Variants in CXXC5 observed in about 807,000 individuals in gnomAD.
CXXC5 encodes CXXC-type zinc finger protein 5.
Under a neutral mutation model 17.6 loss-of-function variants are expected in CXXC5, and 2 were observed. That is an observed-to-expected ratio of 0.11 (90% CI 0.05 to 0.36). The LOEUF is 0.36. Ranked by LOEUF, CXXC5 falls within the 10% of genes least tolerant of loss-of-function variation. CXXC5 has a pLI of 1.00. For synonymous variants in CXXC5, 171 were observed against 193.0 expected (o/e 0.89, Z 0.94); for missense variants, 343 against 458.3 (o/e 0.75, Z 2.30).
chr5:139,647,768 T>C (rs1365651733), upstream of CXXC5: 1 of 152,054 alleles, frequency 6.6e-6, no homozygotes, highest in Non-Finnish European at 1.5e-5. Context: ...ACCTGAGAAA[T>C]GGGAACGGGA....
chr5:139,662,677 G>C (rs1001138691), intron 1 of CXXC5, among the ~76,000 whole-genome samples: 5 of 152,204 alleles, frequency 3.3e-5, no homozygotes, highest in Admixed American at 2.6e-4. Flanking sequence ...TTGAGGAGGA[G>C]AGAGGGACCC....
chr5:139,647,312 C>T (rs1754934307), upstream of CXXC5: 1 of 152,104 alleles, frequency 6.6e-6, no homozygotes, highest in Non-Finnish European at 1.5e-5. Flanking sequence ...GCGTTTTCTT[C>T]GCCTCGCAGA....
At chr5:139,669,093 G>A (rs984449646) in intron 1 of CXXC5, among the ~76,000 whole-genome samples, 6 of 152,166 alleles carry the variant, frequency 3.9e-5, no homozygotes, top group African/African-American at 1.4e-4. Context: ...GCAGGCCCTG[G>A]GCACTGAGGC....
chr5:139,658,409 AG>A lies in CXXC5; in HGVS notation c.-161+9568del, dbSNP rs1755605698. 6.6e-6 allele frequency among the ~76,000 whole-genome samples: 1 copy of A among 152,188 alleles called. No homozygotes were observed. Among genetic ancestry groups the A allele is most frequent in the Admixed American group, 6.5e-5 (1 of 15,286 alleles). ...TGATGCTAGGGGACACTGAAGCTCTAGGGGTCAGGCTGCCCTGAGGTCACAG... is the reference window on the plus strand; with the variant it reads ...TGATGCTAGGGGACACTGAAGCTCTAGGGTCAGGCTGCCCTGAGGTCACAG... On this transcript the variant is annotated intron_variant, in intron 1 of 2. Transcript: ENST00000302517. The surrounding 1 kb of genome is among the most constrained non-coding windows in gnomAD (Gnocchi z 4.1).
At chr5:139,673,015 T>C (rs1392926343) in intron 1 of CXXC5, among the ~76,000 whole-genome samples, 2 of 152,128 alleles carry the variant, frequency 1.3e-5, no homozygotes, top group African/African-American at 4.8e-5. Context: ...GGCCCATCAG[T>C]AGGGAGGTCC....
intron 1 of CXXC5, among the ~76,000 whole-genome samples, chr5:139,662,674 G>A (rs1446143193): frequency 2.0e-5 from 3 of 152,196 alleles, no homozygotes; most frequent in South Asian, 2.1e-4. Context: ...TGGTTGAGGA[G>A]GAGAGAGGGA....
chr5:139,651,699 A>G (rs922751735), intron 1 of CXXC5, among the ~76,000 whole-genome samples: 16 of 150,440 alleles, frequency 1.1e-4, no homozygotes, highest in Non-Finnish European at 2.4e-4. Context: ...GGAGAGAGGG[A>G]TGTGGGCTGG....
intron 1 of CXXC5, among the ~76,000 whole-genome samples, chr5:139,665,078 T>C (rs1581590980): frequency 6.6e-6 from 1 of 152,238 alleles, no homozygotes; most frequent in African/African-American, 2.4e-5. Flanking sequence ...ATCTGCTGGC[T>C]CAGCCAGCTT....
intron 1 of CXXC5, among the ~76,000 whole-genome samples, chr5:139,679,052 T>C (rs1326930459): frequency 1.3e-5 from 2 of 152,208 alleles, no homozygotes; most frequent in Admixed American, 6.5e-5. Context: ...CTTGGAAATA[T>C]GGAGGTGGCC....
rs1050946406 is a variant in CXXC5 at position 139,661,956 on chromosome 5, T to C, written c.-161+13111T>C. 2.6e-5 allele frequency among the ~76,000 whole-genome samples: 4 copies of C among 152,066 alleles called. No homozygotes were observed. The highest frequency in any genetic ancestry group is 7.2e-5 in the African/African-American group (3 of 41,420). ...GCCCAGGCAGAGTGGGTTGGGTACATGGGGGAGAGATACAGGGGAGCTGGG... is the reference window on the plus strand; with the variant it reads ...GCCCAGGCAGAGTGGGTTGGGTACACGGGGGAGAGATACAGGGGAGCTGGG... On this transcript the variant is annotated intron_variant, in intron 1 of 2. Coordinates refer to ENST00000302517, the MANE Select transcript of CXXC5 (RefSeq NM_016463.9). The surrounding 1 kb of genome is among the most constrained non-coding windows in gnomAD (Gnocchi z 4.7).
rs1756237874 is a variant in CXXC5 at position 139,668,389 on chromosome 5, G to GCGGCTCTGGCGGCCGCGTCTGCC, written c.-160-11974_-160-11952dup. 1.3e-5 allele frequency among the ~76,000 whole-genome samples: 2 copies of GCGGCTCTGGCGGCCGCGTCTGCC among 151,970 alleles called. No individual in the cohort carries two copies. The highest frequency in any genetic ancestry group is 1.3e-4 in the Admixed American group (2 of 15,270). On this transcript the variant is annotated intron_variant, in intron 1 of 2. Coordinates refer to ENST00000302517, the MANE Select transcript of CXXC5 (RefSeq NM_016463.9). The surrounding 1 kb of genome is among the most constrained non-coding windows in gnomAD (Gnocchi z 4.1). ...CCCAGCCGGACGCGGACGTGCCTGC[G>GCGGCTCTGGCGGCCGCGTCTGCC]CGGCTCTGGCGGCCGCGTCTGCCGC...
intron 1 of CXXC5, among the ~76,000 whole-genome samples, chr5:139,671,935 A>G (rs952481010): frequency 6.6e-6 from 1 of 152,150 alleles, no homozygotes; most frequent in Non-Finnish European, 1.5e-5. Flanking sequence ...TGACCTTGTG[A>G]CCTTAGGCAG....
intron 1 of CXXC5, among the ~76,000 whole-genome samples, chr5:139,657,876 C>T (rs575812016): frequency 1.2e-4 from 18 of 152,204 alleles, no homozygotes; most frequent in South Asian, 2.1e-4. Flanking sequence ...CCTGACCTGA[C>T]GCCCGCCCTC....
chr5:139,650,217 G>T (rs1165757395), intron 1 of CXXC5, among the ~76,000 whole-genome samples: 1 of 152,160 alleles, frequency 6.6e-6, no homozygotes, highest in Non-Finnish European at 1.5e-5. Context: ...AGTCTCCCGC[G>T]ACGGGGGTCT....
At chr5:139,669,449 C>T (rs949276316) in intron 1 of CXXC5, among the ~76,000 whole-genome samples, 19 of 151,922 alleles carry the variant, frequency 1.3e-4, no homozygotes, top group East Asian at 9.8e-4. Flanking sequence ...CAGGAAGGGC[C>T]GGAGGGGCGC....
In CXXC5 at chr5:139,682,920, C is replaced by A; in HGVS notation, c.*13C>A. On this transcript the variant is annotated 3_prime_UTR_variant, in exon 3 of 3. Transcript: ENST00000302517. ...GTGGTTTCAGTGACGGCGGCGGAAC[C>A]CAAAGCTGCCCTCTCCGTGCAATGT... 6.3e-7 allele frequency: 1 copy of A among 1,581,210 alleles called. No individual in the cohort carries two copies. The highest frequency in any genetic ancestry group is 8.6e-7 in the Non-Finnish European group (1 of 1,161,250).
chr5:139,655,218 A>G (rs1755421805), intron 1 of CXXC5, among the ~76,000 whole-genome samples: 1 of 152,098 alleles, frequency 6.6e-6, no homozygotes, highest in Non-Finnish European at 1.5e-5. Context: ...CCTCCATCGC[A>G]GGAGGAGAGC....
rs1437122185 is a variant in CXXC5 at position 139,661,789 on chromosome 5, C to T, written c.-161+12944C>T. ...GGCCCGGCCTTCAGCCATGTTGTGT[C>T]CACCGGGTTCTGCAAGGTGTGGGTG... On this transcript the variant is annotated intron_variant, in intron 1 of 2. Coordinates refer to ENST00000302517, the MANE Select transcript of CXXC5 (RefSeq NM_016463.9). This position sits in a 1 kb window ranked among gnomAD's most constrained non-coding sequence, Gnocchi z 4.7. 1.3e-5 allele frequency among the ~76,000 whole-genome samples: 2 copies of T among 152,262 alleles called. No homozygotes were observed. Among genetic ancestry groups the T allele is most frequent in the African/African-American group, 2.4e-5 (1 of 41,470 alleles).
At chr5:139,652,907 G>A (rs1423263211) in intron 1 of CXXC5, among the ~76,000 whole-genome samples, 1 of 152,208 alleles carries the variant, frequency 6.6e-6, no homozygotes, top group Admixed American at 6.5e-5. Context: ...AGTAGAGTGT[G>A]TCTGAATTGT....
Sources: gnomAD v4.1 joint callset for allele counts (sites outside exome capture counted in the v4.1 genomes callset) on GRCh38, gnomAD v4.1.1 for gene constraint, Gnocchi (gnomAD v3.1) non-coding constraint, MANE v1.5 for transcripts, NCBI Gene and HGNC (gene_info 2026-07-23, HGNC 2026-07-21) for gene names.